The following FOXP2 variants were observed in gnomAD, a reference collection of about 807,000 sequenced individuals.
The protein encoded by FOXP2 is forkhead box protein P2.
FOXP2 carries 12 observed loss-of-function variants against 115.8 expected under a neutral mutation model. The ratio of observed to expected loss-of-function variants is 0.10; its 90% CI spans 0.07 to 0.17. FOXP2 has a LOEUF of 0.17. Among genes scored for constraint, FOXP2 ranks in the 10% least tolerant of loss-of-function variants. The pLI is 1.00. For synonymous variants in FOXP2, 328 were observed against 297.7 expected, an observed-to-expected ratio of 1.10 and a Z score of -1.05; for missense variants, 629 against 843.5, an observed-to-expected ratio of 0.75 and a Z score of 3.15.
At position 114,587,059 on chromosome 7, in the gene FOXP2, CT is replaced by C. The variant is rs199926586; in HGVS notation, c.259-41469del. ...ATTTATTTATTTTTATGTGCTATTT[CT>C]TTTTTTTTTTTAATTTTACTTTAAG... is the stretch of plus-strand genomic sequence containing the variant. On this transcript the variant is annotated intron_variant, in intron 3 of 16. Transcript: ENST00000350908. Among the ~76,000 whole-genome samples, 1,036 of 140,312 alleles carry C rather than the reference CT, an allele frequency of 7.4e-3. 6 individuals carry two copies. The highest frequency in any genetic ancestry group is 0.021 in the African/African-American group (807 of 38,960). The allele number at this position is 140,312 out of a possible 152,430, so 92.1% of individuals were successfully genotyped here. A position where few individuals can be genotyped will look rare whatever the true frequency, so the allele number is the denominator to read the frequency against.
At chr7:114,576,304 C>A (rs531755046) in intron 3 of FOXP2, among the ~76,000 whole-genome samples, 1 of 151,784 alleles carries the variant, frequency 6.6e-6, no homozygotes, top group Non-Finnish European at 1.5e-5. Flanking sequence ...TATCTTTACA[C>A]GCCCCTCTCA....
chr7:114,425,658 T>C (rs889719138), intron 1 of FOXP2, among the ~76,000 whole-genome samples: 1 of 151,690 alleles, frequency 6.6e-6, no homozygotes, highest in African/African-American at 2.4e-5. Flanking sequence ...TCTTGATAGA[T>C]TTTATTTCCA....
chr7:114,460,568 C>T (rs1173979278), intron 2 of FOXP2, among the ~76,000 whole-genome samples: 1 of 152,154 alleles, frequency 6.6e-6, no homozygotes. Context: ...CTTAACTTTT[C>T]ATATACTAAT....
chr7:114,653,519 A>G (rs1806401775), intron 9 of FOXP2: 1 of 311,820 alleles, frequency 3.2e-6, no homozygotes, highest in South Asian at 3.0e-5. Context: ...TGTGTAGACA[A>G]TCCTGGCAGG....
intron 2 of FOXP2, among the ~76,000 whole-genome samples, chr7:114,472,821 A>C (rs1485002717): frequency 6.6e-6 from 1 of 152,174 alleles, no homozygotes; most frequent in Non-Finnish European, 1.5e-5. Flanking sequence ...TGAGTTACCA[A>C]TAAAAATGTA....
intron 2 of FOXP2, among the ~76,000 whole-genome samples, chr7:114,372,539 C>T (rs1168299984): frequency 1.3e-5 from 2 of 152,136 alleles, no homozygotes; most frequent in African/African-American, 2.4e-5. Context: ...TGAGTTTTCT[C>T]ATTTTACTGC....
chr7:114,252,739 A>T (rs1562837560), intron 1 of FOXP2, among the ~76,000 whole-genome samples: 1 of 152,038 alleles, frequency 6.6e-6, no homozygotes. Flanking sequence ...GTTTCAAAAA[A>T]CCAGCTCCTG....
chr7:114,582,152 C>T (rs773048158), intron 3 of FOXP2, among the ~76,000 whole-genome samples: 14 of 152,054 alleles, frequency 9.2e-5, no homozygotes, highest in Non-Finnish European at 1.9e-4. Flanking sequence ...AGGTCTGAAA[C>T]ATGATGGGAG....
At chr7:114,315,610 GCACACA>G (rs144465419) in intron 2 of FOXP2, among the ~76,000 whole-genome samples, 13 of 146,080 alleles carry the variant, frequency 8.9e-5, no homozygotes, top group South Asian at 2.2e-4. Context: ...CACTATACAT[GCACACA>G]CACACACACA....
At chr7:114,334,877 A>G (rs1332531236) in intron 2 of FOXP2, among the ~76,000 whole-genome samples, 1 of 147,422 alleles carries the variant, frequency 6.8e-6, no homozygotes, top group Non-Finnish European at 1.5e-5. Flanking sequence ...ATTTTTAAAT[A>G]AAGGATATCT....
intron 2 of FOXP2, among the ~76,000 whole-genome samples, chr7:114,293,536 G>T (rs1442551642): frequency 6.6e-6 from 1 of 152,134 alleles, no homozygotes; most frequent in South Asian, 2.1e-4. Flanking sequence ...ATATAATTTG[G>T]CTGTGTCAGC....
intron 2 of FOXP2, among the ~76,000 whole-genome samples, chr7:114,396,687 T>G (rs960347887): frequency 6.6e-6 from 1 of 151,292 alleles, no homozygotes; most frequent in Non-Finnish European, 1.5e-5. Flanking sequence ...GTGGTGGTGG[T>G]GGGGTTGGAG....
At chr7:114,451,599 A>G (rs146151108) in intron 2 of FOXP2, among the ~76,000 whole-genome samples, 5 of 152,090 alleles carry the variant, frequency 3.3e-5, no homozygotes, top group East Asian at 1.9e-4. Flanking sequence ...TGGCCTTAGT[A>G]TATTGGACTA....
At chr7:114,314,174 T>A (rs1797217262) in intron 2 of FOXP2, among the ~76,000 whole-genome samples, 1 of 151,588 alleles carries the variant, frequency 6.6e-6, no homozygotes, top group Admixed American at 6.6e-5. Context: ...TGGAATATGG[T>A]CACGGTAGTT....
At chr7:114,558,141 T>C (rs1016385201) in intron 3 of FOXP2, among the ~76,000 whole-genome samples, 1 of 152,132 alleles carries the variant, frequency 6.6e-6, no homozygotes, top group Non-Finnish European at 1.5e-5. Flanking sequence ...ACTAGTGTAT[T>C]TGAGGAATCT....
At chr7:114,300,651 T>C (rs1025718486) in intron 2 of FOXP2, among the ~76,000 whole-genome samples, 5 of 152,050 alleles carry the variant, frequency 3.3e-5, no homozygotes, top group Non-Finnish European at 7.4e-5. Flanking sequence ...GTAATAACGA[T>C]TTAATATATC....
chr7:114,192,228 G>A (rs1405881059), intron 1 of FOXP2, among the ~76,000 whole-genome samples: 3 of 152,090 alleles, frequency 2.0e-5, no homozygotes, highest in Admixed American at 2.0e-4. Flanking sequence ...CTCGTGATCT[G>A]CCCGCCTTTG....
chr7:114,599,761 A>G (rs889653158), intron 3 of FOXP2, among the ~76,000 whole-genome samples: 1 of 152,102 alleles, frequency 6.6e-6, no homozygotes, highest in Admixed American at 6.6e-5. Flanking sequence ...TAAGATAAGT[A>G]TTGATGAAAT....
intron 2 of FOXP2, among the ~76,000 whole-genome samples, chr7:114,348,417 G>A (rs990898197): frequency 6.6e-6 from 1 of 151,180 alleles, no homozygotes; most frequent in Non-Finnish European, 1.5e-5. Flanking sequence ...TTCCCCTCTT[G>A]TTGTCTACTT....
Sources: gnomAD v4.1 joint callset for allele counts (sites outside exome capture counted in the v4.1 genomes callset) on GRCh38, gnomAD v4.1.1 for gene constraint, MANE v1.5 for transcripts, NCBI Gene and HGNC (gene_info 2026-07-23, HGNC 2026-07-21) for gene names.